CEACAM18: variants seen among roughly 807,000 people sequenced by gnomAD.
CEACAM18 encodes the protein CEA cell adhesion molecule 18.
A neutral mutation model predicts 34.3 loss-of-function variants in CEACAM18; 33 were observed. The ratio of observed to expected loss-of-function variants is 0.96; its 90% CI spans 0.73 to 1.29. The LOEUF (loss-of-function observed/expected upper bound fraction) is 1.29. CEACAM18 is among the 50% of genes most tolerant of loss of function. The pLI is 0.00. For missense variants in CEACAM18, 474 were observed against 485.0 expected (o/e 0.98, Z 0.21); for synonymous variants, 169 against 180.9 (o/e 0.93, Z 0.53).
intron 3 of CEACAM18, 105 bp from the exon 4 acceptor site, chr19:51,482,912 G>C (rs1439324475): frequency 1.4e-6 from 2 of 1,387,640 alleles, no homozygotes; most frequent in East Asian, 4.6e-5. Context: ...CTAGGGGTTA[G>C]CCCGAGGTGC....
chr19:51,483,262 A>G, exon 4 of CEACAM18: 2 of 1,614,042 alleles, frequency 1.2e-6, no homozygotes, highest in East Asian at 2.2e-5. Flanking sequence ...ACAGCTGATC[A>G]TGTACATGGA....
chr19:51,485,288 G>A (rs775819602), intron 5 of CEACAM18, among the ~76,000 whole-genome samples, 166 bp downstream of exon 5: 1 of 152,204 alleles, frequency 6.6e-6, no homozygotes, highest in Admixed American at 6.5e-5. Context: ...AGGACCTGAA[G>A]CTGATGGGAG....
chr19:51,485,180 G>A (rs1467038066), intron 5 of CEACAM18, 58 bp downstream of exon 5: 3 of 1,429,036 alleles, frequency 2.1e-6, no homozygotes, highest in African/African-American at 2.9e-5. Flanking sequence ...GGACTCAGGA[G>A]CCAGCCCTCC....
chr19:51,489,902 A>G lies in CEACAM18; in HGVS notation c.1090-685A>G, dbSNP rs554910095. On this transcript the variant is annotated intron_variant, in intron 5 of 5. Coordinates refer to ENST00000396477, the Ensembl canonical transcript of CEACAM18. ...GATAAACTCAAGAAAGTTCAAGGGT[A>G]TTTCAAAGAGTGTATCTGAATCACC... Among the ~76,000 whole-genome samples the G allele has an allele frequency of 2.0e-5, 3 of 152,318 alleles. No homozygotes were observed. In the South Asian group the frequency reaches 6.2e-4, roughly 32 times the overall value.
At chr19:51,481,219 C>A (rs1275834187) in intron 2 of CEACAM18, among the ~76,000 whole-genome samples, 174 bp from the exon 3 acceptor site, 2 of 152,220 alleles carry the variant, frequency 1.3e-5, no homozygotes, top group African/African-American at 2.4e-5. Flanking sequence ...ACCTCAGCAG[C>A]CTCATTGCCC....
At chr19:51,485,813 T>C (rs533377661) in intron 5 of CEACAM18, among the ~76,000 whole-genome samples, 2 of 152,362 alleles carry the variant, frequency 1.3e-5, no homozygotes, top group African/African-American at 4.8e-5. Context: ...GTCCTGTGCA[T>C]TGTGGGACAT....
At chr19:51,485,749 A>T (rs1989988468) in intron 5 of CEACAM18, among the ~76,000 whole-genome samples, 1 of 152,218 alleles carries the variant, frequency 6.6e-6, no homozygotes, top group Admixed American at 6.5e-5. Context: ...CAACCTCAGC[A>T]CTATCAGCAT....
At chr19:51,484,227 C>T (rs574034472) in intron 4 of CEACAM18, among the ~76,000 whole-genome samples, 1 of 152,292 alleles carries the variant, frequency 6.6e-6, no homozygotes, top group African/African-American at 2.4e-5. Flanking sequence ...ATGCACCAGA[C>T]ACGATGTGTG....
At chr19:51,486,723 CT>C (rs201510643) in intron 5 of CEACAM18, among the ~76,000 whole-genome samples, 22,678 of 135,054 alleles carry the variant, frequency 0.17, 1,814 homozygotes, top group Middle Eastern at 0.29. Context: ...TCTTTTCTTT[CT>C]TTTTTTTTTT....
chr19:51,480,340 G>A, exon 2 of CEACAM18: 1 of 1,604,988 alleles, frequency 6.2e-7, no homozygotes, highest in South Asian at 1.1e-5. Flanking sequence ...CAGCCAGTCT[G>A]CTGGCCTGTG....
chr19:51,485,091 A>C (rs1273631601), exon 5 of CEACAM18: 1 of 1,531,236 alleles, frequency 6.5e-7, no homozygotes, highest in South Asian at 1.2e-5. Flanking sequence ...TGGAGTCCTG[A>C]TCCATGCTCT....
chr19:51,481,671 T>C lies in CEACAM18; in HGVS notation c.673+6T>C. 1 of 1,607,088 alleles carries C rather than the reference T, an allele frequency of 6.2e-7. No homozygotes were observed. Among genetic ancestry groups the C allele is most frequent in the Non-Finnish European group, 8.5e-7 (1 of 1,174,956 alleles). On this transcript the variant is annotated splice_donor_region_variant and intron_variant, in intron 3 of 5. Coordinates refer to ENST00000396477, the Ensembl canonical transcript of CEACAM18. Reference sequence around the variant, plus strand: ...CATCTCTCTGACTGTGGCCTGTGAGTGGTCTGGGCTCCTGGGACTGAAGCC... The same window carrying C: ...CATCTCTCTGACTGTGGCCTGTGAGCGGTCTGGGCTCCTGGGACTGAAGCC...
At chr19:51,486,195 A>T (rs1291204938) in intron 5 of CEACAM18, among the ~76,000 whole-genome samples, 1 of 152,032 alleles carries the variant, frequency 6.6e-6, no homozygotes, top group Non-Finnish European at 1.5e-5. Flanking sequence ...AGTGATGGTG[A>T]CATTGGTAGT....
intron 5 of CEACAM18, 79 bp downstream of exon 5, chr19:51,485,201 G>C: frequency 7.3e-7 from 1 of 1,363,150 alleles, no homozygotes; most frequent in Non-Finnish European, 9.7e-7. Flanking sequence ...CTCCAGAGGG[G>C]AAGCAGAGCC....
chr19:51,484,256 A>G (rs907737546), intron 4 of CEACAM18, among the ~76,000 whole-genome samples: 2 of 151,780 alleles, frequency 1.3e-5, no homozygotes, highest in African/African-American at 2.4e-5. Context: ...CCTCCAAGTC[A>G]TCGATTCACA....
chr19:51,482,556 C>T (rs962606482), intron 3 of CEACAM18, among the ~76,000 whole-genome samples: 2 of 152,198 alleles, frequency 1.3e-5, no homozygotes, highest in Admixed American at 1.3e-4. Context: ...GCTGCAGCTG[C>T]TCAGGGCAGT....
intron 3 of CEACAM18, 148 bp from the exon 4 acceptor site, chr19:51,482,866 ATTG>A (rs1989940003): frequency 3.9e-6 from 3 of 764,144 alleles, no homozygotes; most frequent in African/African-American, 1.7e-5. Context: ...TCTTATGGTT[ATTG>A]TTGTTGACAC....
intron 5 of CEACAM18, among the ~76,000 whole-genome samples, chr19:51,486,426 G>A (rs1262087789): frequency 6.6e-6 from 1 of 152,120 alleles, no homozygotes; most frequent in East Asian, 1.9e-4. Flanking sequence ...TGGGTCAGCA[G>A]GTTGCATCAT....
intron 1 of CEACAM18, among the ~76,000 whole-genome samples, chr19:51,479,243 G>A (rs1181826322): frequency 6.6e-6 from 1 of 152,194 alleles, no homozygotes; most frequent in Non-Finnish European, 1.5e-5. Flanking sequence ...CCTAGAGCCG[G>A]GGTCTCAGGC....
Sources: gnomAD v4.1 joint callset for allele counts (sites outside exome capture counted in the v4.1 genomes callset) on GRCh38, gnomAD v4.1.1 for gene constraint, MANE v1.5 for transcripts, NCBI Gene and HGNC (gene_info 2026-07-23, HGNC 2026-07-21) for gene names.